Variants in GALNT13 observed in about 807,000 individuals in gnomAD.
The protein encoded by GALNT13 is UDP-GalNAc:polypeptide N-acetylgalactosaminyltransferase 13.
Under a neutral mutation model 64.2 loss-of-function variants are expected in GALNT13, and 28 were observed. The ratio of observed to expected loss-of-function variants is 0.44; its 90% CI spans 0.32 to 0.60. The LOEUF is 0.60. Ranked by LOEUF, GALNT13 falls within the 20% of genes least tolerant of loss-of-function variation. The pLI, the probability that GALNT13 is intolerant of heterozygous loss-of-function variation, is 0.05. For synonymous variants in GALNT13, 214 were observed against 224.6 expected (o/e 0.95, Z 0.42); for missense variants, 577 against 669.8 (o/e 0.86, Z 1.53).
chr2:153,822,731 C>T, the GALNT13 span, among the ~76,000 whole-genome samples: 1 of 152,126 alleles, frequency 6.6e-6, no homozygotes, highest in Admixed American at 6.6e-5. Flanking sequence ...AGAATACTCA[C>T]TCTCACCACT....
the GALNT13 span, among the ~76,000 whole-genome samples, chr2:153,264,727 C>T: frequency 6.6e-6 from 1 of 152,152 alleles, no homozygotes; most frequent in South Asian, 2.1e-4. Flanking sequence ...CTTGTACTCA[C>T]TTATAAGTGG....
chr2:153,344,392 G>A, the GALNT13 span, among the ~76,000 whole-genome samples: 112 of 152,180 alleles, frequency 7.4e-4, no homozygotes, highest in Non-Finnish European at 1.1e-3. Context: ...TTTGGAGAAT[G>A]TTCTTCAGTT....
chr2:153,819,216 T>G, the GALNT13 span, among the ~76,000 whole-genome samples: 2 of 152,242 alleles, frequency 1.3e-5, no homozygotes, highest in Admixed American at 6.5e-5. Context: ...TGAGAACAGA[T>G]AAGCCATAAA....
chr2:153,502,794 T>G, the GALNT13 span, among the ~76,000 whole-genome samples: 1 of 152,140 alleles, frequency 6.6e-6, no homozygotes, highest in Non-Finnish European at 1.5e-5. Context: ...AGGAGTAAGG[T>G]TGGTATCACA....
At chr2:153,725,831 T>C in the GALNT13 span, among the ~76,000 whole-genome samples, 1 of 122,752 alleles carries the variant, frequency 8.1e-6, no homozygotes, top group African/African-American at 4.3e-5. Context: ...GTTTAAATGA[T>C]CTTTTCCCCC....
At chr2:154,446,862 TTGTA>T in intron 12 of GALNT13, 1 of 1,220,392 alleles carries the variant, frequency 8.2e-7, no homozygotes, top group Non-Finnish European at 1.1e-6. Context: ...TAAGAAAAAT[TTGTA>T]TGACCTTTTC....
At chr2:153,177,613 T>C in the GALNT13 span, among the ~76,000 whole-genome samples, 1 of 152,100 alleles carries the variant, frequency 6.6e-6, no homozygotes, top group Non-Finnish European at 1.5e-5. Context: ...ATTGACAAAT[T>C]ATAATTGTAT....
the GALNT13 span, among the ~76,000 whole-genome samples, chr2:153,119,509 A>T: frequency 3.3e-5 from 5 of 152,236 alleles, no homozygotes; most frequent in East Asian, 9.6e-4. Flanking sequence ...CGCAATATAT[A>T]GTGTTAAATA....
At chr2:153,127,772 C>T in the GALNT13 span, among the ~76,000 whole-genome samples, 1 of 152,148 alleles carries the variant, frequency 6.6e-6, no homozygotes, top group Admixed American at 6.5e-5. Context: ...TTATGGCAAA[C>T]TTTTCCCTAG....
At chr2:153,664,964 C>T in the GALNT13 span, among the ~76,000 whole-genome samples, 1 of 152,146 alleles carries the variant, frequency 6.6e-6, no homozygotes, top group Non-Finnish European at 1.5e-5. Flanking sequence ...AACTGGAGTA[C>T]AATTTTATAG....
rs1222099148 is a variant in GALNT13, at chr2:154,259,076, A to T, written c.913A>T (p.Ile305Leu). The T allele has an allele frequency of 6.2e-7, 1 of 1,610,534 alleles. No homozygotes were observed. The highest frequency in any genetic ancestry group is 8.5e-7 in the Non-Finnish European group (1 of 1,177,962). ...TATTGACAGAAACTACTTTGAAGAG[A>T]TAGGAACTTACGATGCAGGAATGGA... ...FSIDRNYFEE[I>L]GTYDAGMDIW... The change falls in exon 8 of 13, where the codon ATA becomes TTA. Residue 305 changes from isoleucine to leucine, a missense_variant. Physicochemically the swap from Ile to Leu is conservative, Grantham distance 5. Coordinates refer to ENST00000392825, the MANE Select transcript of GALNT13 (RefSeq NM_052917.4).
At chr2:153,211,142 T>TG in the GALNT13 span, among the ~76,000 whole-genome samples, 534 of 152,036 alleles carry the variant, frequency 3.5e-3, 10 homozygotes, top group East Asian at 0.04. Context: ...ACCTTTTTTT[T>TG]TTGTTGTTGT....
At chr2:153,946,133 G>A (rs749217021) in intron 3 of GALNT13, among the ~76,000 whole-genome samples, 1 of 152,132 alleles carries the variant, frequency 6.6e-6, no homozygotes, top group Non-Finnish European at 1.5e-5. Flanking sequence ...CTGCTTGGCT[G>A]AATGTAGAAA....
At chr2:153,259,077 C>G in the GALNT13 span, among the ~76,000 whole-genome samples, 1 of 152,066 alleles carries the variant, frequency 6.6e-6, no homozygotes, top group African/African-American at 2.4e-5. Flanking sequence ...TGTATTAGCT[C>G]TCATATTTGC....
chr2:153,697,295 T>G, the GALNT13 span, among the ~76,000 whole-genome samples: 6 of 152,192 alleles, frequency 3.9e-5, no homozygotes, highest in African/African-American at 1.4e-4. Context: ...TTAGTCTATG[T>G]TTTCTTTGGT....
chr2:154,027,575 C>G (rs1181563816), intron 3 of GALNT13, among the ~76,000 whole-genome samples: 1 of 151,776 alleles, frequency 6.6e-6, no homozygotes, highest in Non-Finnish European at 1.5e-5. Context: ...GATATATAAT[C>G]CAAAAGAAAT....
chr2:153,563,579 T>C, the GALNT13 span, among the ~76,000 whole-genome samples: 1 of 152,140 alleles, frequency 6.6e-6, no homozygotes, highest in Admixed American at 6.6e-5. Flanking sequence ...CTTCCTGTTT[T>C]GTTGTAATTA....
the GALNT13 span, among the ~76,000 whole-genome samples, chr2:153,839,558 A>C: frequency 2.0e-5 from 3 of 151,882 alleles, no homozygotes; most frequent in Non-Finnish European, 4.4e-5. Flanking sequence ...ATATTATATA[A>C]GGAAATGTTA....
chr2:154,014,187 C>T (rs1333131468), intron 3 of GALNT13, among the ~76,000 whole-genome samples: 1 of 152,172 alleles, frequency 6.6e-6, no homozygotes, highest in African/African-American at 2.4e-5. Context: ...GGCCATGCTC[C>T]ACTGCAGCCA....
Sources: gnomAD v4.1 joint callset for allele counts (sites outside exome capture counted in the v4.1 genomes callset) on GRCh38, gnomAD v4.1.1 for gene constraint, MANE v1.5 for transcripts, NCBI Gene and HGNC (gene_info 2026-07-23, HGNC 2026-07-21) for gene names.